The following PTBP3 variants were observed in gnomAD, a reference collection of about 807,000 sequenced individuals.
PTBP3 encodes polypyrimidine tract binding protein 3, also known as polypyrimidine tract-binding protein 3.
Under a neutral mutation model 58.7 loss-of-function variants are expected in PTBP3, and 20 were observed. The ratio of observed to expected loss-of-function variants is 0.34; its 90% CI spans 0.24 to 0.50. The LOEUF is 0.50. Among genes scored for constraint, PTBP3 ranks in the 20% least tolerant of loss-of-function variants. The pLI, the probability that PTBP3 is intolerant of heterozygous loss-of-function variation, is 0.98. For synonymous variants in PTBP3, 185 were observed against 219.8 expected (o/e 0.84, Z 1.40); for missense variants, 509 against 637.2 (o/e 0.80, Z 2.17).
the PTBP3 span, among the ~76,000 whole-genome samples, chr9:112,355,876 C>T: frequency 1.3e-5 from 2 of 152,136 alleles, no homozygotes; most frequent in African/African-American, 4.8e-5. Flanking sequence ...CTTGGGCTCA[C>T]AAAGTGCTGG....
chr9:112,286,944 G>C, intron 2 of PTBP3, among the ~76,000 whole-genome samples: 1 of 151,818 alleles, frequency 6.6e-6, no homozygotes, highest in East Asian at 1.9e-4. Context: ...CTTCTGGCTT[G>C]CACTGTATCA....
the PTBP3 span, among the ~76,000 whole-genome samples, chr9:112,359,060 G>T: frequency 1.3e-5 from 2 of 152,102 alleles, no homozygotes; most frequent in East Asian, 3.9e-4. Flanking sequence ...GGTCTCAAAC[G>T]CCAGGACTCA....
intron 1 of PTBP3, among the ~76,000 whole-genome samples, chr9:112,331,114 CACACACACACACG>C (rs1830352458): frequency 6.6e-6 from 1 of 151,478 alleles, no homozygotes; most frequent in Admixed American, 6.6e-5. Flanking sequence ...CACACACACA[CACACACACACACG>C]AGAGACAGTT....
At chr9:112,331,886 A>G (rs1587904151) in intron 1 of PTBP3, among the ~76,000 whole-genome samples, 1 of 152,246 alleles carries the variant, frequency 6.6e-6, no homozygotes, top group Non-Finnish European at 1.5e-5. Context: ...CCTCTTTATT[A>G]TAACTATACA....
chr9:112,330,458 T>C (rs1452700021), intron 1 of PTBP3: 5 of 1,527,676 alleles, frequency 3.3e-6, no homozygotes, highest in Admixed American at 3.8e-5. Flanking sequence ...CCGACTGTTA[T>C]AAGATCTGTA....
Position 112,222,234 on chromosome 9 carries a change from T to C in PTBP3, c.*1617A>G, listed in dbSNP as rs764492699. The C allele has an allele frequency of 1.3e-5, 13 of 977,392 alleles. No homozygotes were observed. The highest frequency in any genetic ancestry group is 1.8e-5 in the African/African-American group (1 of 57,046). The allele number at this position is 977,392 out of a possible 1,614,324, so 60.5% of individuals were successfully genotyped here. ...AAATTCTGATCAACAATTGAAGAAA[T>C]AATAGCAAAGTTTCTTATTAAAAAG... On this transcript the variant is annotated 3_prime_UTR_variant, in exon 14 of 14. Transcript: ENST00000374257.
chr9:112,349,536 C>G, the PTBP3 span, among the ~76,000 whole-genome samples: 1 of 151,934 alleles, frequency 6.6e-6, no homozygotes, highest in Non-Finnish European at 1.5e-5. Flanking sequence ...GAACCCTTAA[C>G]CTGTGGAATT....
chr9:112,308,184 C>A (rs575816977), intron 1 of PTBP3, among the ~76,000 whole-genome samples: 2 of 152,134 alleles, frequency 1.3e-5, no homozygotes, highest in South Asian at 4.1e-4. Context: ...CACCACCATG[C>A]CCAGCTAATT....
chr9:112,280,423 T>C (rs895965889), intron 2 of PTBP3, among the ~76,000 whole-genome samples: 5 of 152,314 alleles, frequency 3.3e-5, no homozygotes, highest in African/African-American at 1.2e-4. Flanking sequence ...CTGCAAAATG[T>C]TGAATAGAAT....
chr9:112,303,560 G>C (rs1453789649), intron 1 of PTBP3, among the ~76,000 whole-genome samples: 1 of 152,148 alleles, frequency 6.6e-6, no homozygotes, highest in Non-Finnish European at 1.5e-5. Flanking sequence ...CAATCGCATG[G>C]GCAGCTTGAA....
chr9:112,357,829 C>A, the PTBP3 span, among the ~76,000 whole-genome samples: 3 of 152,070 alleles, frequency 2.0e-5, no homozygotes, highest in African/African-American at 7.2e-5. Flanking sequence ...ACAACTGGAG[C>A]AATTTTGCCT....
intron 5 of PTBP3, among the ~76,000 whole-genome samples, chr9:112,256,294 CAT>C (rs370450580): frequency 1.1e-3 from 64 of 59,034 alleles, no homozygotes; most frequent in Non-Finnish European, 1.5e-3. Flanking sequence ...TATATATATA[CAT>C]ATATATATAT....
the PTBP3 span, among the ~76,000 whole-genome samples, chr9:112,368,443 T>G: frequency 2.6e-5 from 4 of 152,214 alleles, no homozygotes; most frequent in Non-Finnish European, 5.9e-5. Flanking sequence ...AGTGCTGGGA[T>G]TACAGGTGTG....
At chr9:112,320,291 A>AAAAAAAAAATATATATAT (rs1411646280) in intron 1 of PTBP3, among the ~76,000 whole-genome samples, 5 of 73,566 alleles carry the variant, frequency 6.8e-5, no homozygotes, top group African/African-American at 3.6e-4. Flanking sequence ...AAAAAAAAAA[A>AAAAAAAAAATATATATAT]ATATATATAT....
intron 3 of PTBP3, among the ~76,000 whole-genome samples, chr9:112,271,871 T>C (rs1827399951): frequency 6.6e-6 from 1 of 152,206 alleles, no homozygotes; most frequent in African/African-American, 2.4e-5. Context: ...TGAGTCAATA[T>C]TGATTTAAGT....
chr9:112,368,035 C>T, the PTBP3 span, among the ~76,000 whole-genome samples: 4 of 152,268 alleles, frequency 2.6e-5, no homozygotes, highest in Middle Eastern at 0.01. Context: ...CACTCTGTCA[C>T]CCAGGCTGGA....
chr9:112,336,731 T>C (rs1248097812), upstream of PTBP3, among the ~76,000 whole-genome samples: 1 of 152,132 alleles, frequency 6.6e-6, no homozygotes, highest in East Asian at 1.9e-4. Context: ...ATCTTTGCTA[T>C]TCCAAATTTC....
At chr9:112,237,042 G>C (rs554785449) in intron 7 of PTBP3, among the ~76,000 whole-genome samples, 2 of 152,238 alleles carry the variant, frequency 1.3e-5, no homozygotes, top group African/African-American at 4.8e-5. Context: ...AGCAGAGAGA[G>C]CTCTAGCAAG....
At chr9:112,253,626 G>C (rs10817302) in intron 5 of PTBP3, among the ~76,000 whole-genome samples, 41,301 of 152,054 alleles carry the variant, frequency 0.27, 6,693 homozygotes, top group South Asian at 0.4. Context: ...CTCAAATTGT[G>C]ATTCCCCACA....
Sources: allele counts gnomAD v4.1 joint callset (sites outside exome capture counted in the v4.1 genomes callset), GRCh38; gene constraint gnomAD v4.1.1; transcripts MANE v1.5; gene names NCBI Gene and HGNC (gene_info 2026-07-23, HGNC 2026-07-21).